Variants in GTF2I observed in about 807,000 individuals in gnomAD.
GTF2I encodes the protein general transcription factor IIi, also known as general transcription factor II-I.
In GTF2I, 12 loss-of-function variants were observed where a neutral mutation model predicts 67.6. The ratio of observed to expected loss-of-function variants is 0.18; its 90% CI spans 0.11 to 0.29. GTF2I has a LOEUF of 0.29. Ranked by LOEUF, GTF2I falls within the 10% of genes least tolerant of loss-of-function variation. GTF2I has a pLI of 1.00. For synonymous variants in GTF2I, 149 were observed against 197.0 expected, an observed-to-expected ratio of 0.76 and a Z score of 2.04; for missense variants, 271 against 580.1, an observed-to-expected ratio of 0.47 and a Z score of 5.47.
intron 8 of GTF2I, among the ~76,000 whole-genome samples, chr7:74,708,931 G>C (rs1791142699): frequency 6.6e-6 from 1 of 152,186 alleles, no homozygotes; most frequent in Non-Finnish European, 1.5e-5. Context: ...TCCTCAAAAT[G>C]GGGGGACACA....
At chr7:74,714,939 C>G (rs1554403353) in intron 10 of GTF2I, 23 bp downstream of exon 10, 4 of 1,433,048 alleles carry the variant, frequency 2.8e-6, no homozygotes, top group South Asian at 1.2e-5. Context: ...CACTTCCATT[C>G]TCCCACATAC....
intron 3 of GTF2I, among the ~76,000 whole-genome samples, chr7:74,693,812 C>T (rs1407366422): frequency 2.0e-5 from 3 of 152,144 alleles, no homozygotes; most frequent in Non-Finnish European, 2.9e-5. Flanking sequence ...CACCACTGCA[C>T]TCCAGCCTGG....
chr7:74,727,687 A>G (rs1794026967), intron 12 of GTF2I: 2 of 152,214 alleles, frequency 1.3e-5, no homozygotes, highest in Non-Finnish European at 2.9e-5. Flanking sequence ...AGTATTTTAT[A>G]GATGATGTTT....
intron 1 of GTF2I, among the ~76,000 whole-genome samples, chr7:74,661,892 T>TC (rs1804530319): frequency 2.6e-5 from 4 of 152,070 alleles, no homozygotes; most frequent in Middle Eastern, 3.2e-3. Flanking sequence ...TTTTTCCCAC[T>TC]CTGATTTATT....
intron 1 of GTF2I, among the ~76,000 whole-genome samples, chr7:74,671,476 T>G (rs1425762400): frequency 6.3e-5 from 9 of 142,102 alleles, no homozygotes; most frequent in Non-Finnish European, 1.2e-4. Context: ...AAGTGTCTTG[T>G]TTTTTTTTTT....
At chr7:74,693,570 GGCAC>G (rs1458539405) in intron 3 of GTF2I, among the ~76,000 whole-genome samples, 1 of 152,092 alleles carries the variant, frequency 6.6e-6, no homozygotes, top group African/African-American at 2.4e-5. Context: ...AGGCCGGCCA[GGCAC>G]GGTGGCTCAT....
intron 9 of GTF2I, 52 bp downstream of exon 9, chr7:74,711,161 T>C (rs1791496036): frequency 1.2e-6 from 1 of 803,572 alleles, no homozygotes; most frequent in African/African-American, 1.8e-5. Flanking sequence ...GTGGTTAAAA[T>C]TAAAATTTGC....
chr7:74,679,417 A>C (rs1218000479), intron 1 of GTF2I, among the ~76,000 whole-genome samples: 4 of 152,062 alleles, frequency 2.6e-5, no homozygotes, highest in Non-Finnish European at 4.4e-5. Context: ...TTTTCTTAGA[A>C]TGTGACTGAT....
chr7:74,677,303 A>G (rs1554392681), intron 1 of GTF2I, among the ~76,000 whole-genome samples: 3 of 152,164 alleles, frequency 2.0e-5, no homozygotes, highest in African/African-American at 7.2e-5. Flanking sequence ...GATGAATTTT[A>G]ACTTTTTCTT....
chr7:74,714,902 C>T lies in GTF2I; in HGVS notation c.809C>T (p.Ser270Leu), dbSNP rs781866719. ...TDDVDEKQPLSKPLQGSHHSS... is the reference protein window; with the variant it reads ...TDDVDEKQPLLKPLQGSHHSS... ...GATGTTGATGAAAAACAGCCCCTAT[C>T]GAAGCCTTTGCAAGGTATAATCTTT... is the stretch of plus-strand genomic sequence containing the variant. Residue 270 changes from serine (S) to leucine (L), a missense_variant, in exon 10 of 35, where the codon TCG becomes TTG. By Grantham distance (145) the Ser-to-Leu change is moderately radical (BLOSUM62 -2). This residue lies in a region of GTF2I where 124 missense variants were observed against 147.0 expected (regional missense o/e 0.84). Coordinates refer to ENST00000573035, the MANE Select transcript of GTF2I (RefSeq NM_032999.4). 3 of 1,604,616 alleles carry T rather than the reference C, an allele frequency of 1.9e-6. No homozygotes were observed. The highest frequency in any genetic ancestry group is 3.4e-5 in the Admixed American group (2 of 59,426).
intron 4 of GTF2I, 114 bp from the exon 5 acceptor site, chr7:74,700,133 A>G: frequency 9.4e-7 from 1 of 1,062,378 alleles, no homozygotes; most frequent in Non-Finnish European, 1.4e-6. Flanking sequence ...TAATTTTGAA[A>G]TCATATATTA....
At chr7:74,684,400 C>T (rs1358675602) in intron 1 of GTF2I, among the ~76,000 whole-genome samples, 1 of 152,204 alleles carries the variant, frequency 6.6e-6, no homozygotes, top group Admixed American at 6.5e-5. Context: ...GCGTTTGGTC[C>T]TGTGGGGACC....
intron 1 of GTF2I, among the ~76,000 whole-genome samples, chr7:74,670,729 A>G (rs1805383565): frequency 6.6e-6 from 1 of 151,404 alleles, no homozygotes; most frequent in East Asian, 1.9e-4. Context: ...AAAACACCTC[A>G]AGAACAAAGT....
intron 3 of GTF2I, among the ~76,000 whole-genome samples, chr7:74,698,673 A>T (rs1789307453): frequency 6.6e-6 from 1 of 151,944 alleles, no homozygotes; most frequent in African/African-American, 2.4e-5. Flanking sequence ...CAGCCTCACA[A>T]GGTGGTGGAA....
Position 74,682,971 on chromosome 7 carries a change from G to A in GTF2I, c.-5-6153G>A, listed in dbSNP as rs587762805. On this transcript the variant is annotated intron_variant, in intron 1 of 34. Transcript: ENST00000573035. ...TAGTGAAATGGAAGGTAAGCCAGAA[G>A]AAATAATTGTTTAGTATGGAGAAGA... Among the ~76,000 whole-genome samples the A allele has an allele frequency of 8.6e-5, 13 of 151,994 alleles. No individual in the cohort carries two copies. In the East Asian group the frequency reaches 2.3e-3, roughly 27 times the overall value.
At chr7:74,692,989 T>C (rs1554397439) in intron 3 of GTF2I, among the ~76,000 whole-genome samples, 2 of 152,132 alleles carry the variant, frequency 1.3e-5, no homozygotes, top group African/African-American at 4.8e-5. Context: ...CTCGTACTCC[T>C]GACCTCAGGT....
chr7:74,724,417 C>T (rs1793497784), intron 12 of GTF2I, among the ~76,000 whole-genome samples: 1 of 152,116 alleles, frequency 6.6e-6, no homozygotes, highest in Non-Finnish European at 1.5e-5. Flanking sequence ...TATTGATTCA[C>T]CGGCCAGAAT....
At chr7:74,707,152 C>T (rs937447809) in intron 8 of GTF2I, among the ~76,000 whole-genome samples, 8 of 152,194 alleles carry the variant, frequency 5.3e-5, no homozygotes, top group African/African-American at 9.7e-5. Flanking sequence ...GCCCGGCCCC[C>T]GTTTATAATT....
intron 12 of GTF2I, among the ~76,000 whole-genome samples, chr7:74,722,041 C>G (rs782354696): frequency 6.6e-6 from 1 of 152,040 alleles, no homozygotes; most frequent in Non-Finnish European, 1.5e-5. Context: ...TTCACATTTC[C>G]CAAATCATTG....
Sources: gnomAD v4.1 joint callset for allele counts (sites outside exome capture counted in the v4.1 genomes callset) on GRCh38, gnomAD v4.1.1 for gene constraint, gnomAD v4.1.1 regional missense constraint, MANE v1.5 for transcripts, NCBI Gene and HGNC (gene_info 2026-07-23, HGNC 2026-07-21) for gene names.